Variants in PDZRN4 observed in about 807,000 individuals in gnomAD.
PDZRN4 encodes PDZ domain containing ring finger 4.
PDZRN4 carries 70 observed loss-of-function variants against 99.0 expected under a neutral mutation model. That is an observed-to-expected ratio of 0.71 (90% CI 0.58 to 0.86). The LOEUF (loss-of-function observed/expected upper bound fraction) is 0.86. PDZRN4 is among the 40% of genes least tolerant of loss of function. The probability of loss-of-function intolerance (pLI) is 0.00; values close to 1 mark genes in which losing one functional copy is unlikely to be tolerated. For synonymous variants in PDZRN4, 551 were observed against 501.6 expected (o/e 1.10, Z -1.32); for missense variants, 1,474 against 1,331.2 (o/e 1.11, Z -1.67).
At chr12:41,368,607 C>T (rs990703984) in intron 3 of PDZRN4, among the ~76,000 whole-genome samples, 7 of 152,116 alleles carry the variant, frequency 4.6e-5, no homozygotes, top group Non-Finnish European at 8.8e-5. Flanking sequence ...AAGCCCCAGT[C>T]TAGTCTTCCC....
chr12:41,512,155 C>T (rs943391903), intron 5 of PDZRN4, among the ~76,000 whole-genome samples: 2 of 152,030 alleles, frequency 1.3e-5, no homozygotes, highest in African/African-American at 4.8e-5. Context: ...AAAGAAGACT[C>T]CTTTTTCATC....
intron 3 of PDZRN4, among the ~76,000 whole-genome samples, chr12:41,501,565 C>T (rs905288305): frequency 6.6e-6 from 1 of 152,130 alleles, no homozygotes; most frequent in African/African-American, 2.4e-5. Flanking sequence ...ACCTAACATT[C>T]GCAAGTTGCT....
At chr12:41,326,953 G>T (rs1951712889) in intron 3 of PDZRN4, among the ~76,000 whole-genome samples, 1 of 152,124 alleles carries the variant, frequency 6.6e-6, no homozygotes, top group Non-Finnish European at 1.5e-5. Context: ...CATATTATTT[G>T]CTCCCGAATG....
At chr12:41,454,279 A>AG (rs1952800412) in intron 3 of PDZRN4, among the ~76,000 whole-genome samples, 1 of 152,192 alleles carries the variant, frequency 6.6e-6, no homozygotes, top group Admixed American at 6.5e-5. Flanking sequence ...TGAATGTGTT[A>AG]GGGGAAAAAT....
chr12:41,450,987 T>C (rs1229581603), intron 3 of PDZRN4, among the ~76,000 whole-genome samples: 1 of 151,760 alleles, frequency 6.6e-6, no homozygotes, highest in African/African-American at 2.4e-5. Flanking sequence ...TATATATATA[T>C]AATGTAAAAT....
intron 5 of PDZRN4, among the ~76,000 whole-genome samples, chr12:41,526,862 T>C (rs1375608827): frequency 1.3e-5 from 2 of 152,244 alleles, no homozygotes; most frequent in Non-Finnish European, 2.9e-5. Context: ...GATTTTGAAA[T>C]GACTTCCACT....
intron 3 of PDZRN4, among the ~76,000 whole-genome samples, chr12:41,413,993 T>C (rs1248713209): frequency 1.3e-5 from 2 of 152,300 alleles, no homozygotes; most frequent in African/African-American, 4.8e-5. Context: ...AAGATTCTCT[T>C]GTAAGACTGG....
At position 41,573,223 on chromosome 12, in the gene PDZRN4, A is replaced by G; in HGVS notation, c.2444A>G (p.Lys815Arg). 6.2e-7 allele frequency: 1 copy of G among 1,614,156 alleles called. No individual in the cohort carries two copies. The change falls in exon 10 of 10, where the codon AAG becomes AGG. Residue 815 changes from lysine (K) to arginine (R), a missense_variant. Physicochemically the swap from Lys to Arg is conservative, Grantham distance 26 (BLOSUM62 2). Coordinates refer to ENST00000402685, the MANE Select transcript of PDZRN4 (RefSeq NM_001164595.2). ...ESKEKVLEGS[K>R]LPDQEKAVSE... ...AAGGAGAAGGTTTTAGAAGGCAGCA[A>G]GCTTCCTGATCAAGAGAAGGCAGTC... is the stretch of plus-strand genomic sequence containing the variant.
intron 3 of PDZRN4, among the ~76,000 whole-genome samples, chr12:41,485,892 G>A (rs1169177907): frequency 1.3e-5 from 2 of 151,944 alleles, no homozygotes; most frequent in East Asian, 1.9e-4. Flanking sequence ...TACACCTAAA[G>A]GTATGCTGTT....
intron 5 of PDZRN4, among the ~76,000 whole-genome samples, chr12:41,540,959 C>T (rs909793128): frequency 2.0e-5 from 3 of 151,826 alleles, no homozygotes; most frequent in Non-Finnish European, 4.4e-5. Flanking sequence ...GAGTCTCACT[C>T]TGTCACCCAG....
intron 3 of PDZRN4, among the ~76,000 whole-genome samples, chr12:41,311,048 C>A (rs1332768830): frequency 6.6e-6 from 1 of 152,056 alleles, no homozygotes; most frequent in Non-Finnish European, 1.5e-5. Context: ...TTTTTCATAT[C>A]TGCAAAACTC....
chr12:41,389,686 C>G (rs190151089), intron 3 of PDZRN4, among the ~76,000 whole-genome samples: 1 of 152,208 alleles, frequency 6.6e-6, no homozygotes, highest in East Asian at 1.9e-4. Flanking sequence ...TCTGTAGCAT[C>G]ATGTGGCCCC....
At chr12:41,343,939 T>C (rs1951835574) in intron 3 of PDZRN4, among the ~76,000 whole-genome samples, 1 of 152,082 alleles carries the variant, frequency 6.6e-6, no homozygotes, top group Admixed American at 6.6e-5. Context: ...TTTCTGGCAG[T>C]CTTATGGTAT....
At position 41,322,651 on chromosome 12, in the gene PDZRN4, C is replaced by T. The variant is rs549191613; in HGVS notation, c.843+128463C>T. The stretch of plus-strand genomic sequence containing the variant: ...GACTACAGGTGCCCACCACCACGCC[C>T]GGCTAATTATTGTTTTTTGTATTTT... On this transcript the variant is annotated intron_variant, in intron 3 of 9. Coordinates refer to ENST00000402685, the MANE Select transcript of PDZRN4 (RefSeq NM_001164595.2). Among the ~76,000 whole-genome samples, 50 of 151,692 alleles carry T rather than the reference C, an allele frequency of 3.3e-4. No individual in the cohort carries two copies. The South Asian group carries it at 5.0e-3, about 15-fold the overall frequency.
At chr12:41,545,497 T>C (rs923294394) in intron 5 of PDZRN4, among the ~76,000 whole-genome samples, 1 of 147,986 alleles carries the variant, frequency 6.8e-6, no homozygotes, top group Non-Finnish European at 1.5e-5. Flanking sequence ...CCAGCCCATA[T>C]TGATGATATT....
intron 3 of PDZRN4, among the ~76,000 whole-genome samples, chr12:41,280,453 C>A (rs12306457): frequency 0.14 from 20,823 of 152,178 alleles, 2,207 homozygotes; most frequent in African/African-American, 0.29. Context: ...CCAGCAAGCT[C>A]AGATCCACTG....
chr12:41,532,009 C>T (rs1230983744), intron 5 of PDZRN4, among the ~76,000 whole-genome samples: 9 of 151,878 alleles, frequency 5.9e-5, no homozygotes, highest in South Asian at 4.1e-4. Flanking sequence ...ATCTTTCTTT[C>T]GCAAAGAAAA....
At chr12:41,490,755 G>T (rs140255042) in intron 3 of PDZRN4, among the ~76,000 whole-genome samples, 1 of 151,928 alleles carries the variant, frequency 6.6e-6, no homozygotes, top group Non-Finnish European at 1.5e-5. Flanking sequence ...TTAGAGAGGG[G>T]ATCTCACTTT....
intron 3 of PDZRN4, among the ~76,000 whole-genome samples, chr12:41,339,959 T>C (rs562347083): frequency 1.4e-4 from 22 of 152,192 alleles, no homozygotes; most frequent in Admixed American, 2.0e-4. Flanking sequence ...GAGGAACTTT[T>C]GTGCACTGTT....
Sources: gnomAD v4.1 joint callset for allele counts (sites outside exome capture counted in the v4.1 genomes callset) on GRCh38, gnomAD v4.1.1 for gene constraint, MANE v1.5 for transcripts, NCBI Gene and HGNC (gene_info 2026-07-23, HGNC 2026-07-21) for gene names.